The following MAN2A1 variants were observed in gnomAD, a reference collection of about 807,000 sequenced individuals.
The protein encoded by MAN2A1 is mannosidase alpha class 2A member 1, also known as alpha-mannosidase 2.
In MAN2A1, 76 loss-of-function variants were observed where a neutral mutation model predicts 142.6. The ratio of observed to expected loss-of-function variants is 0.53; its 90% CI spans 0.44 to 0.65. The LOEUF (loss-of-function observed/expected upper bound fraction) is 0.65, where lower values mean the gene tolerates loss of function less well. Ranked by LOEUF, MAN2A1 falls within the 30% of genes least tolerant of loss-of-function variation. MAN2A1 has a pLI of 0.00. For missense variants in MAN2A1, 1,311 were observed against 1,365.1 expected (o/e 0.96, Z 0.62); for synonymous variants, 559 against 473.2 (o/e 1.18, Z -2.35).
At chr5:109,758,733 T>C (rs1203530915) in intron 5 of MAN2A1, among the ~76,000 whole-genome samples, 7 of 149,370 alleles carry the variant, frequency 4.7e-5, no homozygotes, top group Non-Finnish European at 1.0e-4. Flanking sequence ...ATAATTGTTA[T>C]ATTAACTAAA....
intron 16 of MAN2A1, among the ~76,000 whole-genome samples, chr5:109,831,519 T>G (rs1561534099): frequency 6.6e-6 from 1 of 152,238 alleles, no homozygotes; most frequent in Admixed American, 6.5e-5. Context: ...TTTAATTGAC[T>G]TGAAGTTTTT....
chr5:109,774,381 A>G (rs1753226049), intron 7 of MAN2A1, among the ~76,000 whole-genome samples: 1 of 152,140 alleles, frequency 6.6e-6, no homozygotes, highest in African/African-American at 2.4e-5. Context: ...CAAAGTCTGT[A>G]TATGTGGGAA....
intron 4 of MAN2A1, among the ~76,000 whole-genome samples, chr5:109,744,747 G>T (rs190640831): frequency 1.1e-3 from 162 of 152,106 alleles, no homozygotes; most frequent in African/African-American, 3.7e-3. Flanking sequence ...TGATCTGGGG[G>T]CTCCACTCCT....
At chr5:109,831,923 G>A (rs1754917445) in intron 16 of MAN2A1, among the ~76,000 whole-genome samples, 1 of 151,730 alleles carries the variant, frequency 6.6e-6, no homozygotes, top group Admixed American at 6.6e-5. Context: ...TTTGTATGCA[G>A]TTGGTCAAAA....
At chr5:109,738,889 G>C (rs2112601975) in intron 4 of MAN2A1, among the ~76,000 whole-genome samples, 1 of 152,172 alleles carries the variant, frequency 6.6e-6, no homozygotes. Context: ...CTGTTCTCAG[G>C]CTGGAGTGCA....
chr5:109,721,750 G>A (rs1751610182), intron 3 of MAN2A1, among the ~76,000 whole-genome samples: 1 of 152,190 alleles, frequency 6.6e-6, no homozygotes. Context: ...TTAAGCAGCT[G>A]CTGAGAAATT....
intron 18 of MAN2A1, among the ~76,000 whole-genome samples, chr5:109,846,473 G>T (rs1755346941): frequency 6.6e-6 from 1 of 152,210 alleles, no homozygotes; most frequent in African/African-American, 2.4e-5. Flanking sequence ...GAGATATGGG[G>T]ATAAAGAGGT....
At chr5:109,735,806 AT>A (rs1752075414) in intron 4 of MAN2A1, among the ~76,000 whole-genome samples, 1 of 148,992 alleles carries the variant, frequency 6.7e-6, no homozygotes, top group Non-Finnish European at 1.5e-5. Flanking sequence ...ATCTTTTTGG[AT>A]TTTGATGAAA....
At chr5:109,809,383 C>T (rs973396393) in intron 12 of MAN2A1, among the ~76,000 whole-genome samples, 7 of 151,880 alleles carry the variant, frequency 4.6e-5, no homozygotes, top group Admixed American at 1.3e-4. Context: ...TCATGTTTCC[C>T]TCTGATATTA....
chr5:109,851,207 G>A (rs1157852082), intron 19 of MAN2A1, among the ~76,000 whole-genome samples: 1 of 152,360 alleles, frequency 6.6e-6, no homozygotes, highest in East Asian at 1.9e-4. Context: ...GATATCCACT[G>A]TGTAATATGT....
chr5:109,690,290 C>T lies in MAN2A1; in HGVS notation c.-128C>T. ...GCGGAGCAAGGCGGGGACTCGCACC[C>T]GCATCCGAGAGCGCGGAGGTCGCGC... On this transcript the variant is annotated 5_prime_UTR_variant, in exon 1 of 22. Coordinates refer to ENST00000261483, the MANE Select transcript of MAN2A1 (RefSeq NM_002372.4). 3.2e-6 allele frequency: 3 copies of T among 949,434 alleles called. No individual in the cohort carries two copies. Among genetic ancestry groups the T allele is most frequent in the South Asian group, 1.4e-5 (1 of 69,056 alleles). 58.8% of individuals were successfully genotyped at this position (949,434 alleles called of 1,614,324 possible).
chr5:109,842,308 A>G lies in MAN2A1; in HGVS notation c.2567-20A>G, dbSNP rs776810157. 1.4e-6 allele frequency: 2 copies of G among 1,456,828 alleles called. No homozygotes were observed. The highest frequency in any genetic ancestry group is 2.5e-5 in the East Asian group (1 of 40,118). The allele number at this position is 1,456,828 out of a possible 1,614,324, so 90.2% of individuals were successfully genotyped here. A position where few individuals can be genotyped will look rare whatever the true frequency, so the allele number is the denominator to read the frequency against. On this transcript the variant is annotated intron_variant, in intron 16 of 21. Transcript: ENST00000261483. ...AAGTAATTTCTTTCTATTAATCCAT[A>G]TATATTTTTTTAAATTTAGGAATAG...
chr5:109,846,576 A>G (rs534931532), intron 18 of MAN2A1, among the ~76,000 whole-genome samples: 1 of 152,278 alleles, frequency 6.6e-6, no homozygotes, highest in Admixed American at 6.6e-5. Flanking sequence ...AAGTCTTTCT[A>G]TTGAGAGGCT....
At chr5:109,740,851 G>C (rs1582846628) in intron 4 of MAN2A1, among the ~76,000 whole-genome samples, 1 of 152,108 alleles carries the variant, frequency 6.6e-6, no homozygotes, top group Admixed American at 6.6e-5. Flanking sequence ...TTTATGGCCT[G>C]CGGATGGCCT....
intron 19 of MAN2A1, among the ~76,000 whole-genome samples, chr5:109,849,811 G>A (rs950939420): frequency 2.6e-5 from 4 of 151,362 alleles, no homozygotes; most frequent in African/African-American, 7.3e-5. Flanking sequence ...TTCTTACCAC[G>A]GCCTCCAGAG....
At chr5:109,809,733 A>G (rs946425144) in intron 12 of MAN2A1, among the ~76,000 whole-genome samples, 3 of 152,082 alleles carry the variant, frequency 2.0e-5, no homozygotes, top group African/African-American at 7.2e-5. Flanking sequence ...CCGTTTGGGG[A>G]TCACAGAGTT....
chr5:109,843,776 G>C (rs1755277874), intron 17 of MAN2A1, among the ~76,000 whole-genome samples: 1 of 152,092 alleles, frequency 6.6e-6, no homozygotes, highest in Non-Finnish European at 1.5e-5. Context: ...ACTTTTGATT[G>C]TTACCTAAAT....
At chr5:109,731,652 G>A (rs1026058438) in intron 4 of MAN2A1, among the ~76,000 whole-genome samples, 26 of 151,052 alleles carry the variant, frequency 1.7e-4, no homozygotes, top group Admixed American at 1.4e-3. Flanking sequence ...GAGAATGATG[G>A]TTTCCAGCTT....
intron 8 of MAN2A1, among the ~76,000 whole-genome samples, chr5:109,778,987 A>G (rs1561507756): frequency 6.6e-6 from 1 of 152,150 alleles, no homozygotes; most frequent in Non-Finnish European, 1.5e-5. Context: ...TAGAATTCTT[A>G]CATTTAAGAT....
Sources: allele counts gnomAD v4.1 joint callset (sites outside exome capture counted in the v4.1 genomes callset), GRCh38; gene constraint gnomAD v4.1.1; transcripts MANE v1.5; gene names NCBI Gene and HGNC (gene_info 2026-07-23, HGNC 2026-07-21).